Variants in ADAMTSL1 observed in about 807,000 individuals in gnomAD.
The protein encoded by ADAMTSL1 is ADAMTS like 1.
Under a neutral mutation model 201.8 loss-of-function variants are expected in ADAMTSL1, and 126 were observed. The ratio of observed to expected loss-of-function variants is 0.62; its 90% CI spans 0.54 to 0.72. ADAMTSL1 has a LOEUF of 0.72. ADAMTSL1 is among the 30% of genes least tolerant of loss of function. The pLI, the probability that ADAMTSL1 is intolerant of heterozygous loss-of-function variation, is 0.00. For missense variants in ADAMTSL1, 2,679 were observed against 2,277.8 expected (o/e 1.18, Z -3.59); for synonymous variants, 1,121 against 903.4 (o/e 1.24, Z -4.32).
chr9:18,146,904 C>G (rs1430023953), intron 1 of ADAMTSL1, among the ~76,000 whole-genome samples: 1 of 152,006 alleles, frequency 6.6e-6, no homozygotes, highest in Non-Finnish European at 1.5e-5. Flanking sequence ...TAGTGCATTG[C>G]AAAGCAAATT....
chr9:18,651,416 T>C (rs1828244504), intron 7 of ADAMTSL1: 1 of 152,234 alleles, frequency 6.6e-6, no homozygotes, highest in Admixed American at 6.5e-5. Context: ...ATTCTGGTTT[T>C]GCTCACTTGA....
At position 18,776,826 on chromosome 9, in the gene ADAMTSL1, C is replaced by G. The variant is rs751540650; in HGVS notation, c.2597C>G (p.Ala866Gly). 1 of 1,584,060 alleles carries G rather than the reference C, an allele frequency of 6.3e-7. No individual in the cohort carries two copies. Among genetic ancestry groups the G allele is most frequent in the Non-Finnish European group, 8.6e-7 (1 of 1,165,504 alleles). Residue 866 changes from alanine (A) to glycine (G), a missense_variant, in exon 19 of 29, where the codon GCC becomes GGC. Transcript: ENST00000380548. ...STKHSPHIAA[A>G]RKVYIQTRRQ... ...AAGCACAGCCCGCACATCGCGGCCG[C>G]CAGGAAGGTCTACATACAGACTCGC...
At chr9:18,651,212 C>T (rs1828228630) in intron 7 of ADAMTSL1, 1 of 152,204 alleles carries the variant, frequency 6.6e-6, no homozygotes, top group South Asian at 2.1e-4. Flanking sequence ...ATCTGGCCAT[C>T]ATCTGGATAA....
At chr9:18,363,457 G>A (rs1044469824) in intron 2 of ADAMTSL1, among the ~76,000 whole-genome samples, 1 of 152,218 alleles carries the variant, frequency 6.6e-6, no homozygotes, top group South Asian at 2.1e-4. Flanking sequence ...TTAATGTTCA[G>A]TTTTGCCTTG....
At chr9:18,462,145 C>T (rs897004047) in intron 2 of ADAMTSL1, among the ~76,000 whole-genome samples, 2 of 152,072 alleles carry the variant, frequency 1.3e-5, no homozygotes, top group African/African-American at 4.8e-5. Context: ...AAAGTCTCAA[C>T]GTGTGCTTAA....
At chr9:18,143,211 T>G (rs1164386442) in intron 1 of ADAMTSL1, among the ~76,000 whole-genome samples, 1 of 152,158 alleles carries the variant, frequency 6.6e-6, no homozygotes, top group East Asian at 1.9e-4. Context: ...ATTTTAAGAC[T>G]CTGGATTGGC....
At chr9:18,373,976 A>G (rs926354941) in intron 2 of ADAMTSL1, among the ~76,000 whole-genome samples, 2 of 152,196 alleles carry the variant, frequency 1.3e-5, no homozygotes, top group African/African-American at 2.4e-5. Context: ...ATCATAGACT[A>G]GGAACTGGGC....
At chr9:18,736,191 G>T (rs1795786176) in intron 15 of ADAMTSL1, among the ~76,000 whole-genome samples, 1 of 152,186 alleles carries the variant, frequency 6.6e-6, no homozygotes, top group Non-Finnish European at 1.5e-5. Flanking sequence ...TTTGGAGCCA[G>T]ATCTCCCTCA....
At chr9:18,423,276 A>G (rs766591066) in intron 2 of ADAMTSL1, among the ~76,000 whole-genome samples, 2 of 152,204 alleles carry the variant, frequency 1.3e-5, no homozygotes, top group Non-Finnish European at 2.9e-5. Context: ...AAAAATCATA[A>G]ATTACCCAGA....
intron 3 of ADAMTSL1, among the ~76,000 whole-genome samples, chr9:18,537,107 C>T (rs2132129549): frequency 6.6e-6 from 1 of 152,206 alleles, no homozygotes; most frequent in Admixed American, 6.5e-5. Context: ...ATGTATTAAG[C>T]CCAAGAATTC....
At chr9:18,401,904 C>T (rs915689201) in intron 2 of ADAMTSL1, among the ~76,000 whole-genome samples, 2 of 152,128 alleles carry the variant, frequency 1.3e-5, no homozygotes, top group Admixed American at 1.3e-4. Context: ...GGCTTCATGA[C>T]CAGCATTTCT....
At chr9:18,633,638 CTTTTTTT>C (rs58807960) in intron 5 of ADAMTSL1, among the ~76,000 whole-genome samples, 1 of 123,792 alleles carries the variant, frequency 8.1e-6, no homozygotes, top group Admixed American at 8.5e-5. Flanking sequence ...CTAATCTTAA[CTTTTTTT>C]TTTTTTTTTT....
chr9:18,148,618 A>T (rs1347442545), intron 1 of ADAMTSL1, among the ~76,000 whole-genome samples: 1 of 152,064 alleles, frequency 6.6e-6, no homozygotes, highest in African/African-American at 2.4e-5. Context: ...CACTTCTCCC[A>T]GGATATTGAT....
At chr9:18,268,557 A>G (rs1254557353) in intron 2 of ADAMTSL1, among the ~76,000 whole-genome samples, 1 of 152,154 alleles carries the variant, frequency 6.6e-6, no homozygotes, top group Non-Finnish European at 1.5e-5. Context: ...TGGGCTGACA[A>G]TGCCTCCATT....
Position 18,681,942 on chromosome 9 carries a change from C to A in ADAMTSL1, c.1472C>A (p.Pro491His). 1 of 1,614,078 alleles carries A rather than the reference C, an allele frequency of 6.2e-7. No homozygotes were observed. Among genetic ancestry groups the A allele is most frequent in the Non-Finnish European group, 8.5e-7 (1 of 1,179,982 alleles). Reference protein sequence around the residue: ...HIKEECIVPTPCYKPKEKLPV... With the variant: ...HIKEECIVPTHCYKPKEKLPV... ...AAAGAGGAATGCATCGTACCCACTCCCTGCTATAAACCCAAAGGTAACTTG... is the reference window on the plus strand; with the variant it reads ...AAAGAGGAATGCATCGTACCCACTCACTGCTATAAACCCAAAGGTAACTTG... The change falls in exon 12 of 29, where the codon CCC (proline) becomes CAC (histidine). Residue 491 changes from proline to histidine, a missense_variant. Physicochemically the swap from Pro to His is moderately conservative, Grantham distance 77. Transcript: ENST00000380548.
intron 4 of ADAMTSL1, among the ~76,000 whole-genome samples, chr9:18,598,284 T>G (rs1226522887): frequency 6.6e-6 from 1 of 152,192 alleles, no homozygotes; most frequent in African/African-American, 2.4e-5. Context: ...CAGGGCAGGA[T>G]GTGACTTACC....
chr9:18,566,229 C>A (rs1484344591), intron 3 of ADAMTSL1, among the ~76,000 whole-genome samples: 2 of 152,152 alleles, frequency 1.3e-5, no homozygotes, highest in South Asian at 2.1e-4. Context: ...ATGAAAGCAG[C>A]ACTGGAGTTC....
intron 20 of ADAMTSL1, chr9:18,796,458 C>T (rs1822426725): frequency 6.6e-6 from 1 of 152,210 alleles, no homozygotes; most frequent in African/African-American, 2.4e-5. Flanking sequence ...CTGCTCTCAT[C>T]AGATGATTCA....
chr9:18,073,115 A>G lies in ADAMTSL1; in HGVS notation c.88-90747A>G, dbSNP rs146648066. Among the ~76,000 whole-genome samples, 195 of 152,356 alleles carry G rather than the reference A, an allele frequency of 1.3e-3. 1 individual carries two copies. The highest frequency in any genetic ancestry group is 4.3e-3 in the African/African-American group (180 of 41,592). On this transcript the variant is annotated intron_variant, in intron 1 of 29. Coordinates refer to the ADAMTSL1 transcript ENST00000680146. Reference sequence around the variant, plus strand: ...TCATGACATTCTGAGAGGCCAGAACAGGCTCACCAGGCCTGCCACGTGTTT... The same window carrying G: ...TCATGACATTCTGAGAGGCCAGAACGGGCTCACCAGGCCTGCCACGTGTTT...
Sources: allele counts gnomAD v4.1 joint callset (sites outside exome capture counted in the v4.1 genomes callset), GRCh38; gene constraint gnomAD v4.1.1; transcripts MANE v1.5; gene names NCBI Gene and HGNC (gene_info 2026-07-23, HGNC 2026-07-21).